EPB41L1: variants seen among roughly 807,000 people sequenced by gnomAD.
EPB41L1 encodes the protein erythrocyte membrane protein band 4.1 like 1.
In EPB41L1, 29 loss-of-function variants were observed where a neutral mutation model predicts 97.8. The observed-to-expected ratio is 0.30, with a 90% CI of 0.22 to 0.40. The LOEUF (loss-of-function observed/expected upper bound fraction) is 0.40. Among genes scored for constraint, EPB41L1 ranks in the 10% least tolerant of loss-of-function variants. The pLI is 1.00. For synonymous variants in EPB41L1, 383 were observed against 459.2 expected (o/e 0.83, Z 2.12); for missense variants, 812 against 1,162.3 (o/e 0.70, Z 4.38).
intron 6 of EPB41L1, among the ~76,000 whole-genome samples, chr20:36,182,933 G>A (rs2061528349): frequency 6.6e-6 from 1 of 152,182 alleles, no homozygotes; most frequent in Non-Finnish European, 1.5e-5. Context: ...TGGAAGTCAA[G>A]TGGGGCTTAG....
In EPB41L1 at chr20:36,105,849, C is replaced by A. The variant is rs977395063; in HGVS notation, c.-64-6577C>A. Among the ~76,000 whole-genome samples the A allele has an allele frequency of 2.6e-5, 4 of 152,230 alleles. No homozygotes were observed. In the South Asian group the frequency reaches 8.3e-4, roughly 32 times the overall value. On this transcript the variant is annotated intron_variant, in intron 1 of 19. Coordinates refer to the EPB41L1 transcript ENST00000202028. The stretch of plus-strand genomic sequence containing the variant: ...TGGGCTGGTGGGAGGGGGGCTGCAC[C>A]CCAGGGGAGGGGTGGAGTCACCCAG...
chr20:36,191,308 T>G (rs1474469875), intron 11 of EPB41L1, among the ~76,000 whole-genome samples: 3 of 152,106 alleles, frequency 2.0e-5, no homozygotes, highest in Non-Finnish European at 4.4e-5. Context: ...TCTTGGTCAT[T>G]CTTTTGGTTC....
intron 1 of EPB41L1, among the ~76,000 whole-genome samples, chr20:36,108,873 C>T (rs1351077746): frequency 1.3e-5 from 2 of 152,002 alleles, no homozygotes; most frequent in Non-Finnish European, 2.9e-5. Flanking sequence ...CCACCTCACC[C>T]CAGCCCGGGC....
chr20:36,222,253 T>C (rs765716582), intron 20 of EPB41L1, 25 bp from the exon 21 acceptor site: 1 of 1,583,152 alleles, frequency 6.3e-7, no homozygotes, highest in South Asian at 1.1e-5. Flanking sequence ...TCATGGTTCC[T>C]TCCTTTGCTG....
At position 36,190,938 on chromosome 20, in the gene EPB41L1, C is replaced by A. The variant is rs1219052793; in HGVS notation, c.1300+141C>A. The A allele has an allele frequency of 1.7e-6, 2 of 1,200,678 alleles. No homozygotes were observed. The highest frequency in any genetic ancestry group is 1.5e-5 in the African/African-American group (1 of 66,532). 74.4% of individuals were successfully genotyped at this position (1,200,678 alleles called of 1,614,324 possible). A position where few individuals can be genotyped will look rare whatever the true frequency, so the allele number is the denominator to read the frequency against. On this transcript the variant is annotated intron_variant, in intron 11 of 21. Transcript: ENST00000338074. The surrounding 1 kb of genome is among the most constrained non-coding windows in gnomAD (Gnocchi z 5.8). ...CTGCACCAGGCTGGCCCCTCAAGAC[C>A]AGTGCTGTCCCTGGGCAGCTCTTGG...
intron 1 of EPB41L1, among the ~76,000 whole-genome samples, chr20:36,111,678 T>C (rs1021116970): frequency 2.0e-5 from 3 of 151,490 alleles, no homozygotes; most frequent in Non-Finnish European, 4.4e-5. Flanking sequence ...TCCCAGCTAC[T>C]TGGGAGACTG....
At position 36,177,370 on chromosome 20, in the gene EPB41L1, C is replaced by A. The variant is rs74717884; in HGVS notation, c.343-582C>A. On this transcript the variant is annotated intron_variant, in intron 3 of 21. Transcript: ENST00000338074. ...GTGGGAGGAACCTACCTGGCCCTAA[C>A]AATGGTACTTCCAGCAGAAGCTGAT... Among the ~76,000 whole-genome samples, 55 of 152,298 alleles carry A rather than the reference C, an allele frequency of 3.6e-4. No homozygotes were observed. The East Asian group carries it at 9.5e-3, about 26-fold the overall frequency.
At chr20:36,101,058 GTCT>G (rs2147498347) in intron 1 of EPB41L1, among the ~76,000 whole-genome samples, 1 of 152,270 alleles carries the variant, frequency 6.6e-6, no homozygotes, top group Admixed American at 6.5e-5. Flanking sequence ...ATTGAATCGA[GTCT>G]TCCACTTAAA....
chr20:36,154,184 G>A (rs2145471520), upstream of EPB41L1, among the ~76,000 whole-genome samples: 1 of 152,240 alleles, frequency 6.6e-6, no homozygotes, highest in South Asian at 2.1e-4. This position sits in a 1 kb window ranked among gnomAD's most constrained non-coding sequence, Gnocchi z 5.5. Flanking sequence ...AGGACGCCGA[G>A]TCCTAGGCGG....
intron 2 of EPB41L1, among the ~76,000 whole-genome samples, chr20:36,113,046 T>A (rs2058459434): frequency 6.6e-6 from 1 of 152,210 alleles, no homozygotes; most frequent in South Asian, 2.1e-4. Flanking sequence ...ACAAAACAGC[T>A]AAAGGGGTTG....
intron 1 of EPB41L1, among the ~76,000 whole-genome samples, chr20:36,161,122 A>G (rs961423131): frequency 2.0e-5 from 3 of 152,184 alleles, no homozygotes; most frequent in Non-Finnish European, 4.4e-5. Context: ...CTGGTCTTGG[A>G]GGAGGCCATC....
At chr20:36,107,458 A>T (rs1391455005) in intron 1 of EPB41L1, among the ~76,000 whole-genome samples, 7 of 150,184 alleles carry the variant, frequency 4.7e-5, no homozygotes, top group Non-Finnish European at 1.0e-4. Flanking sequence ...TGACCTCATG[A>T]TCCACCTGCC....
At position 36,173,881 on chromosome 20, in the gene EPB41L1, C is replaced by A; in HGVS notation, c.104C>A (p.Ala35Glu). ...GCTGTGACCACCCCTGTGACCCCTGCAGGCCACGGCCACCCAGAGGCCAAC... is the reference window on the plus strand; with the variant it reads ...GCTGTGACCACCCCTGTGACCCCTGAAGGCCACGGCCACCCAGAGGCCAAC... Reference protein sequence around the residue: ...AAAVTTPVTPAGHGHPEANSN... With the variant: ...AAAVTTPVTPEGHGHPEANSN... Residue 35 changes from alanine (A) to glutamate (E), a missense_variant, in exon 2 of 22, where the codon GCA (alanine) becomes GAA (glutamate). Ala to Glu is a moderately radical substitution (Grantham distance 107). Transcript: ENST00000338074. The A allele has an allele frequency of 6.2e-7, 1 of 1,614,000 alleles. No homozygotes were observed.
At chr20:36,119,705 G>C (rs2058693509) in intron 2 of EPB41L1, among the ~76,000 whole-genome samples, 1 of 151,870 alleles carries the variant, frequency 6.6e-6, no homozygotes, top group Admixed American at 6.6e-5. Flanking sequence ...GGGACAAGGT[G>C]GGCAGGGTAG....
At position 36,095,668 on chromosome 20, in the gene EPB41L1, TCC is replaced by T. The variant is rs2057804634; in HGVS notation, c.-65+4059_-65+4060del. ...CTGGCCATGGTCCTCACTACTAATC[TCC>T]CCACCAATATACTCTAGTCTAGAGC... On this transcript the variant is annotated intron_variant, in intron 1 of 19. Coordinates refer to the EPB41L1 transcript ENST00000202028. Among the ~76,000 whole-genome samples the T allele has an allele frequency of 2.0e-5, 3 of 152,238 alleles. No individual in the cohort carries two copies. The South Asian group carries it at 6.2e-4, about 32-fold the overall frequency.
chr20:36,206,155 C>G lies in EPB41L1; in HGVS notation c.1669-3333C>G. The G allele has an allele frequency of 7.8e-7, 1 of 1,289,892 alleles. No homozygotes were observed. The highest frequency in any genetic ancestry group is 1.0e-6 in the Non-Finnish European group (1 of 988,894). The allele number at this position is 1,289,892 out of a possible 1,614,324, so 79.9% of individuals were successfully genotyped here. A position where few individuals can be genotyped will look rare whatever the true frequency, so the allele number is the denominator to read the frequency against. ...CAGGGAAAGCCCAGGAGGGGCTGCC[C>G]TGGCTTCCGGCCGCACATTGGCAGA... On this transcript the variant is annotated intron_variant, in intron 14 of 21. Transcript: ENST00000338074. This position sits in a 1 kb window ranked among gnomAD's most constrained non-coding sequence, Gnocchi z 5.5.
At chr20:36,125,395 C>T (rs1168652825) in intron 2 of EPB41L1, 2 of 714,774 alleles carry the variant, frequency 2.8e-6, no homozygotes, top group East Asian at 5.4e-5. Context: ...ATTTGCATTT[C>T]TGATTCTGTT....
chr20:36,204,476 T>C (rs1365778957), intron 14 of EPB41L1, among the ~76,000 whole-genome samples: 1 of 128,348 alleles, frequency 7.8e-6, no homozygotes, highest in Non-Finnish European at 1.5e-5. Context: ...TGGTGCTTTT[T>C]TTTTTTTTTT....
intron 15 of EPB41L1, among the ~76,000 whole-genome samples, chr20:36,211,232 C>T (rs980662867): frequency 2.0e-5 from 3 of 151,528 alleles, no homozygotes; most frequent in East Asian, 3.9e-4. Flanking sequence ...ACTAAAAATA[C>T]AAAAATTAGC....
Sources: gnomAD v4.1 joint callset for allele counts (sites outside exome capture counted in the v4.1 genomes callset) on GRCh38, gnomAD v4.1.1 for gene constraint, Gnocchi (gnomAD v3.1) non-coding constraint, MANE v1.5 for transcripts, NCBI Gene and HGNC (gene_info 2026-07-23, HGNC 2026-07-21) for gene names.